The following PXT1 variants were observed in gnomAD, a reference collection of about 807,000 sequenced individuals.
PXT1 encodes peroxisomal testis enriched protein 1.
PXT1 carries 11 observed loss-of-function variants against 11.0 expected under a neutral mutation model. The ratio of observed to expected loss-of-function variants is 1.00; its 90% CI spans 0.63 to 1.66. The LOEUF is 1.66. PXT1 is among the 40% of genes most tolerant of loss of function. The pLI is 0.00. For synonymous variants in PXT1, 43 were observed against 51.4 expected, an observed-to-expected ratio of 0.84 and a Z score of 0.70; for missense variants, 141 against 155.5, an observed-to-expected ratio of 0.91 and a Z score of 0.49.
intron 3 of PXT1, among the ~76,000 whole-genome samples, chr6:36,417,240 A>G (rs9357213): frequency 0.47 from 70,923 of 151,664 alleles, 17,083 homozygotes; most frequent in Middle Eastern, 0.58. Context: ...CCAGCTACTC[A>G]GGAGGCTGAG....
intron 3 of PXT1, among the ~76,000 whole-genome samples, chr6:36,416,751 G>A (rs972863380): frequency 6.6e-6 from 1 of 152,316 alleles, no homozygotes; most frequent in Non-Finnish European, 1.5e-5. Context: ...ACACTATATA[G>A]ATACTATAAT....
intron 3 of PXT1, among the ~76,000 whole-genome samples, chr6:36,402,770 A>G (rs1774231813): frequency 6.6e-6 from 1 of 152,178 alleles, no homozygotes; most frequent in African/African-American, 2.4e-5. Flanking sequence ...GACAAAGCTA[A>G]TAGAGAAGAC....
rs1561924856 is a variant in PXT1, at chr6:36,399,131, T to TTTC, written c.300+1322_300+1323insGAA. 3.3e-3 allele frequency among the ~76,000 whole-genome samples: 496 copies of TTTC among 150,624 alleles called. 2 individuals are homozygous for TTTC. The highest frequency in any genetic ancestry group is 0.011 in the African/African-American group (470 of 41,132). ...TCTCTTGCTTTATTTTATTTTATTTTATTTCATTTCATTTCATTTCATTTC... is the reference window on the plus strand; with the variant it reads ...TCTCTTGCTTTATTTTATTTTATTTTTTCATTTCATTTCATTTCATTTCATTTC... On this transcript the variant is annotated intron_variant, in intron 4 of 4. Transcript: ENST00000454782.
chr6:36,423,793 T>C (rs1271292808), intron 3 of PXT1, among the ~76,000 whole-genome samples: 1 of 152,166 alleles, frequency 6.6e-6, no homozygotes, highest in African/African-American at 2.4e-5. Flanking sequence ...CAGCACTTTA[T>C]TGGAAGATCC....
chr6:36,440,779 A>G (rs1774846729), intron 1 of PXT1, among the ~76,000 whole-genome samples: 2 of 152,300 alleles, frequency 1.3e-5, no homozygotes, highest in Admixed American at 6.5e-5. Context: ...TGTTCATTAT[A>G]TGAAATTTTA....
intron 4 of PXT1, chr6:36,393,205 C>T (rs1774094832): frequency 1.3e-5 from 2 of 152,256 alleles, no homozygotes; most frequent in South Asian, 4.1e-4. Flanking sequence ...GAACTCCCGA[C>T]CTCAAGTGAT....
rs1774812270 is a variant in PXT1, at chr6:36,438,860, C to T, written c.-103G>A. 6.6e-6 allele frequency: 1 copy of T among 152,038 alleles called. No individual in the cohort carries two copies. The highest frequency in any genetic ancestry group is 2.1e-4 in the South Asian group (1 of 4,836). 9.4% of individuals were successfully genotyped at this position (152,038 alleles called of 1,614,324 possible). On this transcript the variant is annotated 5_prime_UTR_variant, in exon 2 of 5. Transcript: ENST00000454782. ...TCCCTCTTTTGTTTGCTTTGTTTTCCTTTATATACCATTTGTTGGAGGTTC... is the reference window on the plus strand; with the variant it reads ...TCCCTCTTTTGTTTGCTTTGTTTTCTTTTATATACCATTTGTTGGAGGTTC...
intron 2 of PXT1, among the ~76,000 whole-genome samples, chr6:36,430,785 G>A (rs546272): frequency 0.45 from 68,089 of 151,932 alleles, 17,214 homozygotes; most frequent in African/African-American, 0.67. Context: ...GTAAATTGTC[G>A]TTTTATTTAA....
intron 3 of PXT1, among the ~76,000 whole-genome samples, chr6:36,401,080 T>C (rs1270028626): frequency 1.3e-5 from 2 of 152,120 alleles, no homozygotes; most frequent in Non-Finnish European, 2.9e-5. Context: ...AAGCCACATA[T>C]GTAATTTTAA....
chr6:36,423,265 A>G (rs1258255684), intron 3 of PXT1, among the ~76,000 whole-genome samples: 1 of 152,194 alleles, frequency 6.6e-6, no homozygotes, highest in Non-Finnish European at 1.5e-5. Flanking sequence ...TTTCCTCTGG[A>G]CAGTACTTAG....
rs751410377 is a variant in PXT1, at chr6:36,426,355, C to CTTTTTTTT, written c.-9-272_-9-265dup. Among the ~76,000 whole-genome samples the CTTTTTTTT allele has an allele frequency of 1.3e-4, 10 of 76,820 alleles. 2 individuals are homozygous for CTTTTTTTT. Among genetic ancestry groups the CTTTTTTTT allele is most frequent in the East Asian group, 8.3e-4 (2 of 2,416 alleles). 50.4% of individuals were successfully genotyped at this position (76,820 alleles called of 152,430 possible). On this transcript the variant is annotated intron_variant, in intron 2 of 4. Transcript: ENST00000454782. ...ATTAGTCTTTCTTCTCTCTCTCTCG[C>CTTTTTTTT]TTTTTTTTTTTTTTTTTTTTTTTTT... is the stretch of plus-strand genomic sequence containing the variant.
At chr6:36,392,605 G>A (rs1018766829) in intron 4 of PXT1, among the ~76,000 whole-genome samples, 1 of 152,144 alleles carries the variant, frequency 6.6e-6, no homozygotes, top group Non-Finnish European at 1.5e-5. Flanking sequence ...AGGCTGCAGT[G>A]AGCTGTGATT....
chr6:36,417,640 C>T (rs62405062), intron 3 of PXT1, among the ~76,000 whole-genome samples: 3,505 of 146,042 alleles, frequency 0.024, 50 homozygotes, highest in Non-Finnish European at 0.027. Context: ...TGGTGGTGTA[C>T]GCCTGCAGTC....
intron 2 of PXT1, among the ~76,000 whole-genome samples, chr6:36,429,508 C>CTTTTTTTT (rs112777415): frequency 5.5e-5 from 6 of 108,206 alleles, no homozygotes; most frequent in East Asian, 2.6e-4. Flanking sequence ...TTTTTCTTTT[C>CTTTTTTTT]TTTTTTTTTT....
intron 3 of PXT1, among the ~76,000 whole-genome samples, chr6:36,404,964 A>T (rs11960964): frequency 0.012 from 1,851 of 152,288 alleles, 35 homozygotes; most frequent in African/African-American, 0.041. Flanking sequence ...CTCCAAAAAA[A>T]AGAAAAAAGT....
At chr6:36,430,491 A>G (rs1774677351) in intron 2 of PXT1, among the ~76,000 whole-genome samples, 1 of 152,208 alleles carries the variant, frequency 6.6e-6, no homozygotes, top group Non-Finnish European at 1.5e-5. Flanking sequence ...CCAGATTCAC[A>G]GAAAGAAATG....
At chr6:36,426,840 G>A (rs878869575) in intron 2 of PXT1, among the ~76,000 whole-genome samples, 25 of 152,106 alleles carry the variant, frequency 1.6e-4, no homozygotes, top group Admixed American at 1.1e-3. Context: ...TCATGTGTGT[G>A]TGTGTTTCCT....
chr6:36,426,310 G>C (rs2180929), intron 2 of PXT1, among the ~76,000 whole-genome samples: 1 of 147,810 alleles, frequency 6.8e-6, no homozygotes, highest in Non-Finnish European at 1.5e-5. Flanking sequence ...CTATTACACC[G>C]GCCTGCATCC....
chr6:36,398,730 G>C (rs1460630388), intron 4 of PXT1, among the ~76,000 whole-genome samples: 4 of 151,984 alleles, frequency 2.6e-5, no homozygotes, highest in African/African-American at 9.7e-5. Context: ...TGTTCCCTCT[G>C]CCTGGAACAC....
Sources: allele counts gnomAD v4.1 joint callset (sites outside exome capture counted in the v4.1 genomes callset), GRCh38; gene constraint gnomAD v4.1.1; transcripts MANE v1.5; gene names NCBI Gene and HGNC (gene_info 2026-07-23, HGNC 2026-07-21).